The following MRPS2 variants were observed in gnomAD, a reference collection of about 807,000 sequenced individuals.
MRPS2 encodes the protein small ribosomal subunit protein uS2m.
In MRPS2, 13 loss-of-function variants were observed where a neutral mutation model predicts 18.9. The observed-to-expected ratio is 0.69, with a 90% CI of 0.45 to 1.09. The LOEUF is 1.09. MRPS2 is among the 50% of genes least tolerant of loss of function. The probability of loss-of-function intolerance (pLI) is 0.00; values close to 1 mark genes in which losing one functional copy is unlikely to be tolerated. For missense variants in MRPS2, 389 were observed against 421.7 expected (o/e 0.92, Z 0.68); for synonymous variants, 186 against 178.4 (o/e 1.04, Z -0.34).
At position 135,501,131 on chromosome 9, in the gene MRPS2, TG is replaced by T; in HGVS notation, c.169+11del. 2 of 1,580,586 alleles carry T rather than the reference TG, an allele frequency of 1.3e-6. No homozygotes were observed. The highest frequency in any genetic ancestry group is 1.1e-5 in the South Asian group (1 of 88,106). Reference sequence around the variant, plus strand: ...AGTCGGAGGACAGCACCGGTAACACTGGGCGCCCAGCCGAGTTGGGTGGGAA... The same window carrying T: ...AGTCGGAGGACAGCACCGGTAACACTGGCGCCCAGCCGAGTTGGGTGGGAA... On this transcript the variant is annotated intron_variant, in intron 2 of 3. Coordinates refer to ENST00000241600, the MANE Select transcript of MRPS2 (RefSeq NM_016034.5).
intron 3 of MRPS2, chr9:135,502,365 GGGGAT>G: frequency 2.1e-5 from 15 of 709,072 alleles, no homozygotes; most frequent in Non-Finnish European, 2.5e-5. Flanking sequence ...TGTGGGGGGA[GGGGAT>G]GGGAGGGGCA....
chr9:135,500,022 G>T, upstream of MRPS2: 1 of 719,576 alleles, frequency 1.4e-6, no homozygotes, highest in Non-Finnish European at 2.1e-6. Flanking sequence ...GGAAGGTCGG[G>T]ACGGCGAGAG....
intron 2 of MRPS2, chr9:135,501,399 G>A: frequency 7.9e-7 from 1 of 1,264,896 alleles, no homozygotes. Flanking sequence ...GACCACCGAG[G>A]CCCGGAGCCC....
In MRPS2 at chr9:135,501,002, C is replaced by G; in HGVS notation, c.48C>G (p.Ala16=). 6.2e-7 allele frequency: 1 copy of G among 1,611,878 alleles called. No homozygotes were observed. The change falls in exon 2 of 4, where the codon GCC becomes GCG. Residue 16 remains alanine, a synonymous_variant. Coordinates refer to ENST00000241600, the MANE Select transcript of MRPS2 (RefSeq NM_016034.5). ...AALPRILGAG[A]RAPSRWLGFL... Reference sequence around the variant, plus strand: ...CCTCTATCTACTTCCCCCCAGGTGCCCGGGCCCCGTCGCGCTGGTTGGGCT... The same window carrying G: ...CCTCTATCTACTTCCCCCCAGGTGCGCGGGCCCCGTCGCGCTGGTTGGGCT...
At position 135,503,902 on chromosome 9, in the gene MRPS2, G is replaced by A; in HGVS notation, c.660G>A (p.Val220=). The part of the protein sequence containing the change: ...RDAAKMNIPT[V]GIVDTNCNPC... The stretch of plus-strand genomic sequence containing the variant: ...CAGCCAAGATGAACATCCCCACAGT[G>A]GGCATCGTGGACACCAACTGCAACC... The change falls in exon 4 of 4, where the codon GTG becomes GTA. Residue 220 remains valine, a synonymous_variant. Coordinates refer to ENST00000241600, the MANE Select transcript of MRPS2 (RefSeq NM_016034.5). 1.2e-6 allele frequency: 2 copies of A among 1,614,022 alleles called. No individual in the cohort carries two copies. Among genetic ancestry groups the A allele is most frequent in the Non-Finnish European group, 1.7e-6 (2 of 1,180,032 alleles).
At chr9:135,503,463 CGTCTGTGT>C (rs1831198600) in intron 3 of MRPS2, 71 bp from the exon 4 acceptor site, 1 of 1,457,174 alleles carries the variant, frequency 6.9e-7, no homozygotes, top group Non-Finnish European at 9.2e-7. Context: ...CCCTGGTGGG[CGTCTGTGT>C]TCCTGCAAGG....
chr9:135,502,901 C>T (rs978543115), intron 3 of MRPS2, among the ~76,000 whole-genome samples: 4 of 152,150 alleles, frequency 2.6e-5, no homozygotes, highest in Admixed American at 2.0e-4. Flanking sequence ...TCGCCAGTGC[C>T]TTGATGGGCA....
chr9:135,503,392 C>CG (rs1044225865), intron 3 of MRPS2, 150 bp from the exon 4 acceptor site: 1 of 1,393,326 alleles, frequency 7.2e-7, no homozygotes, highest in African/African-American at 1.5e-5. Flanking sequence ...TCCATGCACA[C>CG]GGGGAGCGTT....
At chr9:135,500,147 T>G, upstream of MRPS2, 1 of 422,052 alleles carries the variant, frequency 2.4e-6, no homozygotes, top group South Asian at 3.9e-5. Flanking sequence ...CCCCAGGGCC[T>G]GGGACCCCGC....
rs143202082 is a variant in MRPS2, at chr9:135,503,591, G to A, written c.349G>A (p.Asp117Asn). ...GAGCCGCCTGGACCACGACATCATCGACCTGGAACAGACAGCCACGCACCT... is the reference window on the plus strand; with the variant it reads ...GAGCCGCCTGGACCACGACATCATCAACCTGGAACAGACAGCCACGCACCT... ...FGSRLDHDIIDLEQTATHLQL... is the reference protein window; with the variant it reads ...FGSRLDHDIINLEQTATHLQL... The change falls in exon 4 of 4, where the codon GAC becomes AAC. Residue 117 changes from aspartate to asparagine, a missense_variant. Transcript: ENST00000241600. 8.1e-6 allele frequency: 13 copies of A among 1,613,546 alleles called. No individual in the cohort carries two copies. Among genetic ancestry groups the A allele is most frequent in the Admixed American group, 1.7e-5 (1 of 59,998 alleles).
Position 135,500,690 on chromosome 9 carries a change from G to A in MRPS2, c.-21G>A. 6.8e-7 allele frequency: 1 copy of A among 1,462,074 alleles called. No individual in the cohort carries two copies. The highest frequency in any genetic ancestry group is 9.0e-7 in the Non-Finnish European group (1 of 1,114,590). 90.6% of individuals were successfully genotyped at this position (1,462,074 alleles called of 1,614,324 possible). A position where few individuals can be genotyped will look rare whatever the true frequency, so the allele number is the denominator to read the frequency against. On this transcript the variant is annotated 5_prime_UTR_variant, in exon 1 of 4. Coordinates refer to ENST00000241600, the MANE Select transcript of MRPS2 (RefSeq NM_016034.5). ...TCGGCCTGGCCTGGAGGGAGACCTC[G>A]CTCTGCCCCGCGTCCCAGCCATGGC... is the stretch of plus-strand genomic sequence containing the variant.
At chr9:135,500,123 C>G (rs1473248427), upstream of MRPS2, 1 of 462,574 alleles carries the variant, frequency 2.2e-6, no homozygotes, top group Non-Finnish European at 3.8e-6. Flanking sequence ...GCGTGGACTC[C>G]CGGGCGAAAG....
chr9:135,503,611 G>A lies in MRPS2; in HGVS notation c.369G>A (p.Thr123=), dbSNP rs369140380. 5.5e-5 allele frequency: 88 copies of A among 1,613,650 alleles called. No homozygotes were observed. The highest frequency in any genetic ancestry group is 6.9e-5 in the Non-Finnish European group (82 of 1,180,044). Residue 123 remains threonine, a synonymous_variant, in exon 4 of 4, where the codon ACG becomes ACA. Coordinates refer to ENST00000241600, the MANE Select transcript of MRPS2 (RefSeq NM_016034.5). ...TCATCGACCTGGAACAGACAGCCAC[G>A]CACCTCCAGCTGGCCTTGAACTTCA... ...HDIIDLEQTA[T]HLQLALNFTA...
chr9:135,500,589 G>A, upstream of MRPS2: 1 of 1,139,450 alleles, frequency 8.8e-7, no homozygotes, highest in Non-Finnish European at 1.2e-6. Flanking sequence ...AGCCGCCTGG[G>A]GACAGCGCTG....
At chr9:135,500,884 G>GGGGACGCGGAGGGGACCCGTTA (rs768318959) in intron 1 of MRPS2, 114 bp from the exon 2 acceptor site, 25 of 1,550,772 alleles carry the variant, frequency 1.6e-5, no homozygotes, top group Admixed American at 7.3e-5. Flanking sequence ...GGGAGGGCGC[G>GGGGACGCGGAGGGGACCCGTTA]GGGACGCGGA....
At chr9:135,499,968 C>T (rs950073736), upstream of MRPS2, 20 of 1,261,534 alleles carry the variant, frequency 1.6e-5, no homozygotes, top group Non-Finnish European at 2.1e-5. Flanking sequence ...CCGGGTTCCT[C>T]TGCGGGTGGG....
At chr9:135,501,306 C>T (rs1831124875) in intron 2 of MRPS2, 183 bp downstream of exon 2, 2 of 1,415,958 alleles carry the variant, frequency 1.4e-6, no homozygotes, top group African/African-American at 1.5e-5. Context: ...GGGCTGAGGC[C>T]ACCGCCTCAC....
intron 3 of MRPS2, chr9:135,502,391 C>T: frequency 1.6e-6 from 1 of 610,678 alleles, no homozygotes; most frequent in Non-Finnish European, 2.1e-6. Flanking sequence ...GGTGGGAGGC[C>T]AGGGAGGAGG....
rs773965999 is a variant in MRPS2 at position 135,503,694 on chromosome 9, T to C, written c.452T>C (p.Phe151Ser). Residue 151 changes from phenylalanine (F) to serine (S), a missense_variant, in exon 4 of 4, where the codon TTC (phenylalanine) becomes TCC (serine). Physicochemically the swap from Phe to Ser is radical, Grantham distance 155. Coordinates refer to ENST00000241600, the MANE Select transcript of MRPS2 (RefSeq NM_016034.5). Reference sequence around the variant, plus strand: ...TTGTTTATAAGCCGCAACCGGCAGTTCTCGTACCTGATTGAGAACATGGCC... The same window carrying C: ...TTGTTTATAAGCCGCAACCGGCAGTCCTCGTACCTGATTGAGAACATGGCC... ...IILFISRNRQ[F>S]SYLIENMARD... 3 of 1,613,734 alleles carry C rather than the reference T, an allele frequency of 1.9e-6. No individual in the cohort carries two copies. In the South Asian group the frequency reaches 3.3e-5, roughly 18 times the overall value.
Sources: gnomAD v4.1 joint callset for allele counts (sites outside exome capture counted in the v4.1 genomes callset) on GRCh38, gnomAD v4.1.1 for gene constraint, MANE v1.5 for transcripts, NCBI Gene and HGNC (gene_info 2026-07-23, HGNC 2026-07-21) for gene names.